PTPRD: variants seen among roughly 807,000 people sequenced by gnomAD.
PTPRD encodes the protein receptor-type tyrosine-protein phosphatase delta.
A neutral mutation model predicts 214.5 loss-of-function variants in PTPRD; 34 were observed. That is an observed-to-expected ratio of 0.16 (90% CI 0.12 to 0.21). PTPRD has a LOEUF of 0.21. Ranked by LOEUF, PTPRD falls within the 10% of genes least tolerant of loss-of-function variation. PTPRD has a pLI of 1.00. For synonymous variants in PTPRD, 1,128 were observed against 845.7 expected (o/e 1.33, Z -5.79); for missense variants, 2,545 against 2,398.7 (o/e 1.06, Z -1.27).
chr9:9,554,536 G>T (rs986627711), intron 8 of PTPRD, among the ~76,000 whole-genome samples: 1 of 151,832 alleles, frequency 6.6e-6, no homozygotes, highest in Non-Finnish European at 1.5e-5. Context: ...TATCTTGAAA[G>T]AAATATATTC....
intron 2 of PTPRD, among the ~76,000 whole-genome samples, chr9:10,465,322 C>T (rs1033349136): frequency 1.3e-5 from 2 of 151,966 alleles, no homozygotes; most frequent in African/African-American, 2.4e-5. Context: ...TAGATAACTC[C>T]CCTGCGCAAA....
At chr9:8,806,983 C>T (rs1163273975) in intron 11 of PTPRD, among the ~76,000 whole-genome samples, 2 of 152,116 alleles carry the variant, frequency 1.3e-5, no homozygotes, top group Admixed American at 1.3e-4. Flanking sequence ...TGCCTTTGTT[C>T]CATCACAATT....
At chr9:8,841,238 G>A (rs764325757) in intron 11 of PTPRD, among the ~76,000 whole-genome samples, 4 of 152,220 alleles carry the variant, frequency 2.6e-5, no homozygotes, top group Admixed American at 1.3e-4. Context: ...AAAAAACCAA[G>A]ACTTGAAAAA....
intron 11 of PTPRD, among the ~76,000 whole-genome samples, chr9:8,874,191 C>G (rs2098350971): frequency 6.6e-6 from 1 of 152,172 alleles, no homozygotes; most frequent in South Asian, 2.1e-4. Context: ...GGTAATGAAA[C>G]TGATGGCCCA....
chr9:8,373,808 G>GTATA (rs1564365805), intron 39 of PTPRD, among the ~76,000 whole-genome samples: 1 of 74,306 alleles, frequency 1.3e-5, no homozygotes, highest in Non-Finnish European at 2.2e-5. Context: ...TAAAAATTAT[G>GTATA]TATGTATGTA....
At chr9:10,474,195 GGA>G (rs2099048399) in intron 2 of PTPRD, among the ~76,000 whole-genome samples, 1 of 151,876 alleles carries the variant, frequency 6.6e-6, no homozygotes, top group Non-Finnish European at 1.5e-5. Flanking sequence ...CTGGCAAGTT[GGA>G]GAGAGTCAAG....
In PTPRD at chr9:10,404,922, A is replaced by G. The variant is rs1371722357; in HGVS notation, c.-599-63905T>C. Among the ~76,000 whole-genome samples the G allele has an allele frequency of 1.7e-4, 8 of 47,986 alleles. 3 individuals carry two copies. The highest frequency in any genetic ancestry group is 4.1e-4 in the African/African-American group (8 of 19,544). 31.5% of individuals were successfully genotyped at this position (47,986 alleles called of 152,430 possible). ...TACTGAGGAGAGTTGGCTAGTAAAA[A>G]TGAGAGAATAGCAATGATGAGATAA... On this transcript the variant is annotated intron_variant, in intron 2 of 45. Coordinates refer to ENST00000381196, the MANE Select transcript of PTPRD (RefSeq NM_002839.4).
chr9:9,894,250 C>T (rs956566104), intron 5 of PTPRD, among the ~76,000 whole-genome samples: 1 of 151,982 alleles, frequency 6.6e-6, no homozygotes, highest in African/African-American at 2.4e-5. Context: ...AATCTTTTCC[C>T]CACTCAGCCC....
chr9:9,196,271 A>ATAGT (rs1425324999), intron 9 of PTPRD, among the ~76,000 whole-genome samples: 5 of 152,214 alleles, frequency 3.3e-5, no homozygotes, highest in Non-Finnish European at 7.3e-5. Flanking sequence ...ATTATATGAA[A>ATAGT]TAGTCATGTC....
chr9:10,423,825 G>T (rs767805595), intron 2 of PTPRD, among the ~76,000 whole-genome samples: 2 of 151,894 alleles, frequency 1.3e-5, no homozygotes, highest in African/African-American at 4.8e-5. Context: ...GATTTCCACT[G>T]CATGTTTTTA....
chr9:9,051,068 AAGTAGGGAATTTTTCT>A (rs1261167278), intron 10 of PTPRD, among the ~76,000 whole-genome samples: 17 of 152,244 alleles, frequency 1.1e-4, no homozygotes, highest in African/African-American at 4.1e-4. Context: ...TCTGCTTCCT[AAGTAGGGAATTTTTCT>A]AGGCTATTAT....
At chr9:9,801,602 T>A (rs2099040625) in intron 5 of PTPRD, among the ~76,000 whole-genome samples, 2 of 152,104 alleles carry the variant, frequency 1.3e-5, no homozygotes, top group African/African-American at 4.8e-5. Context: ...TTTGTTGGAC[T>A]AAGAAAAGTA....
chr9:9,832,208 A>T (rs548915182), intron 5 of PTPRD, among the ~76,000 whole-genome samples: 7 of 152,124 alleles, frequency 4.6e-5, no homozygotes, highest in Non-Finnish European at 8.8e-5. Context: ...AAAACAAACC[A>T]TTTATTTTAA....
intron 5 of PTPRD, among the ~76,000 whole-genome samples, chr9:9,820,433 T>C (rs1196098217): frequency 1.3e-5 from 2 of 152,182 alleles, no homozygotes; most frequent in Admixed American, 6.6e-5. Flanking sequence ...ATTTTGTATG[T>C]TGTCTGTTTA....
At chr9:10,178,245 G>C (rs1231579363) in intron 3 of PTPRD, among the ~76,000 whole-genome samples, 1 of 151,826 alleles carries the variant, frequency 6.6e-6, no homozygotes, top group East Asian at 1.9e-4. Flanking sequence ...TTTTCCCTAA[G>C]TTTCCATACT....
chr9:8,356,201 C>G (rs1381951246), intron 39 of PTPRD, among the ~76,000 whole-genome samples: 1 of 152,064 alleles, frequency 6.6e-6, no homozygotes, highest in Non-Finnish European at 1.5e-5. Context: ...CCAAAGCCCA[C>G]CTTTTGAGTT....
chr9:10,534,307 A>G (rs2134895398), intron 2 of PTPRD, among the ~76,000 whole-genome samples: 1 of 152,154 alleles, frequency 6.6e-6, no homozygotes, highest in South Asian at 2.1e-4. Flanking sequence ...AAATTCTCCC[A>G]TTTCAAATTA....
At position 8,998,408 on chromosome 9, in the gene PTPRD, A is replaced by C. The variant is rs557552956; in HGVS notation, c.-104+20289T>G. ...CCTGCCTGTGTTCTATGAATAGAAC[A>C]ACAAAGCCTGGATGAGAGCACATCT... On this transcript the variant is annotated intron_variant, in intron 11 of 45. Transcript: ENST00000381196. 1.2e-4 allele frequency among the ~76,000 whole-genome samples: 19 copies of C among 152,194 alleles called. No homozygotes were observed. In the South Asian group the frequency reaches 3.7e-3, roughly 30 times the overall value.
At chr9:8,774,660 G>C (rs936960662) in intron 11 of PTPRD, among the ~76,000 whole-genome samples, 2 of 148,390 alleles carry the variant, frequency 1.3e-5, no homozygotes, top group African/African-American at 2.5e-5. Context: ...TCAGCCTCCC[G>C]AGTAGCTGGG....
Sources: allele counts gnomAD v4.1 joint callset (sites outside exome capture counted in the v4.1 genomes callset), GRCh38; gene constraint gnomAD v4.1.1; transcripts MANE v1.5; gene names NCBI Gene and HGNC (gene_info 2026-07-23, HGNC 2026-07-21).